Variants in KAT6B observed in about 807,000 individuals in gnomAD.
KAT6B encodes histone acetyltransferase KAT6B.
KAT6B carries 10 observed loss-of-function variants against 187.5 expected under a neutral mutation model. That is an observed-to-expected ratio of 0.05 (90% confidence interval 0.03 to 0.09). KAT6B has a LOEUF of 0.09. Ranked by LOEUF, KAT6B falls within the 10% of genes least tolerant of loss-of-function variation. KAT6B has a pLI of 1.00. For synonymous variants in KAT6B, 861 were observed against 926.8 expected (o/e 0.93, Z 1.29); for missense variants, 1,952 against 2,558.9 (o/e 0.76, Z 5.12).
intron 12 of KAT6B, among the ~76,000 whole-genome samples, chr10:74,987,663 ATTAG>A (rs1842896558): frequency 1.3e-5 from 2 of 152,338 alleles, no homozygotes; most frequent in African/African-American, 4.8e-5. Flanking sequence ...GGAAAGAAGG[ATTAG>A]TTATTTTATT....
rs529419277 is a variant in KAT6B, at chr10:74,839,347, T to C, written c.-259+595T>C. Among the ~76,000 whole-genome samples the C allele has an allele frequency of 2.6e-5, 4 of 151,562 alleles. No individual in the cohort carries two copies. In the South Asian group the frequency reaches 8.4e-4, roughly 32 times the overall value. ...CTGGGTTCAAGCGATTCTCCTGCCT[T>C]AGCCTCCTGAGTAGCTGGGATTACA... On this transcript the variant is annotated intron_variant, in intron 2 of 17. Transcript: ENST00000287239.
intron 12 of KAT6B, among the ~76,000 whole-genome samples, chr10:74,986,607 AT>A (rs1157396723): frequency 1.3e-5 from 2 of 152,246 alleles, no homozygotes; most frequent in Non-Finnish European, 2.9e-5. Flanking sequence ...TAATCCACAT[AT>A]TTGGTAAAGC....
At chr10:74,869,547 A>G (rs1843771457) in intron 3 of KAT6B, among the ~76,000 whole-genome samples, 1 of 152,194 alleles carries the variant, frequency 6.6e-6, no homozygotes, top group Admixed American at 6.5e-5. Context: ...GGGCCTCCCA[A>G]AGTGCTGAGA....
In KAT6B at chr10:75,030,402, C is replaced by T. The variant is rs1846221082; in HGVS notation, c.5578C>T (p.Gln1860Ter). 1 of 1,614,076 alleles carries T rather than the reference C, an allele frequency of 6.2e-7. No individual in the cohort carries two copies. Among genetic ancestry groups the T allele is most frequent in the African/African-American group, 1.3e-5 (1 of 74,918 alleles). ...ACCATTAAGTAACACAGGGCTTGTT[C>T]AACTTTCTCAGTCTCCACACTCCGT... Reference protein sequence around the residue: ...STPLSNTGLVQLSQSPHSVPG... With the variant: ...STPLSNTGLV Residue 1860 changes from glutamine (Q) to a stop codon, truncating the protein, a stop_gained, in exon 18 of 18, where the codon CAA becomes TAA. Transcript: ENST00000287239. LOFTEE classifies it high-confidence loss of function. This position sits in a 1 kb window ranked among gnomAD's most constrained non-coding sequence, Gnocchi z 4.8.
At chr10:74,975,258 A>G (rs1589736491) in intron 7 of KAT6B, 141 bp from the exon 8 acceptor site, 1 of 714,464 alleles carries the variant, frequency 1.4e-6, no homozygotes, top group Non-Finnish European at 2.4e-6. Flanking sequence ...ACAGAGAAAC[A>G]TCTAGGTGGT....
intron 3 of KAT6B, among the ~76,000 whole-genome samples, chr10:74,920,148 T>C (rs866551397): frequency 2.0e-5 from 3 of 152,328 alleles, no homozygotes; most frequent in South Asian, 2.1e-4. Flanking sequence ...GGTTGAGAAT[T>C]TTCATATGCT....
intron 13 of KAT6B, among the ~76,000 whole-genome samples, chr10:75,015,092 G>A (rs1844888988): frequency 6.6e-6 from 1 of 152,162 alleles, no homozygotes. Flanking sequence ...TCTGAGATAG[G>A]TTCTGAGAAT....
intron 3 of KAT6B, among the ~76,000 whole-genome samples, chr10:74,852,537 T>C (rs892987287): frequency 1.3e-5 from 2 of 152,210 alleles, no homozygotes; most frequent in South Asian, 4.1e-4. Flanking sequence ...TGAGACATTG[T>C]TGAGAGAGCA....
At chr10:74,840,890 A>G (rs1414543369) in intron 2 of KAT6B, among the ~76,000 whole-genome samples, 1 of 152,196 alleles carries the variant, frequency 6.6e-6, no homozygotes, top group African/African-American at 2.4e-5. Flanking sequence ...AGCAAATACT[A>G]TATTCTTCAG....
intron 3 of KAT6B, among the ~76,000 whole-genome samples, chr10:74,952,660 G>T (rs1442437704): frequency 6.6e-6 from 1 of 151,888 alleles, no homozygotes; most frequent in Non-Finnish European, 1.5e-5. Flanking sequence ...GTGTAACAAG[G>T]GAGAGCAAAC....
intron 12 of KAT6B, among the ~76,000 whole-genome samples, chr10:74,986,161 T>C (rs1267917044): frequency 1.3e-5 from 2 of 152,200 alleles, no homozygotes; most frequent in Non-Finnish European, 2.9e-5. Flanking sequence ...TCCTTTTTAC[T>C]GGTTCAGAGC....
At chr10:74,970,128 G>GTATTTTATTACATTT in intron 6 of KAT6B, 27 bp downstream of exon 6, 1 of 1,524,564 alleles carries the variant, frequency 6.6e-7, no homozygotes, top group Non-Finnish European at 9.1e-7. Flanking sequence ...TACTAAAAAT[G>GTATTTTATTACATTT]TATTTTATTA....
intron 3 of KAT6B, among the ~76,000 whole-genome samples, chr10:74,951,137 T>C (rs1840291465): frequency 6.6e-6 from 1 of 151,974 alleles, no homozygotes. Flanking sequence ...TTTTTAATTT[T>C]TGTTTCTTTT....
At chr10:74,895,525 G>A (rs1344703062) in intron 3 of KAT6B, among the ~76,000 whole-genome samples, 3 of 151,908 alleles carry the variant, frequency 2.0e-5, no homozygotes, top group Admixed American at 1.3e-4. Context: ...TCACCAAAAC[G>A]CTCTTCTTCT....
intron 8 of KAT6B, chr10:74,977,076 CAT>C (rs1395498932): frequency 2.4e-6 from 1 of 419,670 alleles, no homozygotes; most frequent in South Asian, 2.2e-5. Flanking sequence ...TACTTTCCCT[CAT>C]ATATTTATTA....
intron 3 of KAT6B, among the ~76,000 whole-genome samples, chr10:74,894,137 CA>C (rs1299846606): frequency 6.6e-6 from 1 of 152,158 alleles, no homozygotes; most frequent in Non-Finnish European, 1.5e-5. Context: ...GGCTGGAGTG[CA>C]ATGGCACGAT....
At chr10:75,003,664 CATT>C (rs573679948) in intron 13 of KAT6B, among the ~76,000 whole-genome samples, 104 of 152,028 alleles carry the variant, frequency 6.8e-4, no homozygotes, top group Non-Finnish European at 1.4e-3. Flanking sequence ...CTTATTTTCT[CATT>C]ATAATATGTT....
Position 75,021,883 on chromosome 10 carries a change from T to C in KAT6B, c.3024T>C (p.Ala1008=). 1 of 1,614,178 alleles carries C rather than the reference T, an allele frequency of 6.2e-7. No individual in the cohort carries two copies. Among genetic ancestry groups the C allele is most frequent in the Non-Finnish European group, 8.5e-7 (1 of 1,180,028 alleles). ...SEEEREAEKE[A]ERLMEQASCW... is the part of the protein sequence containing the mutation. ...CCATTTTTACCCTCCCCACTTAGGC[T>C]GAGCGGCTAATGGAACAAGCTAGCT... The change falls in exon 16 of 18, where the codon GCT becomes GCC. Residue 1008 remains alanine, a splice_region_variant and synonymous_variant. Transcript: ENST00000287239.
intron 3 of KAT6B, among the ~76,000 whole-genome samples, chr10:74,934,118 G>A (rs764258191): frequency 1.3e-5 from 2 of 149,114 alleles, no homozygotes; most frequent in Non-Finnish European, 3.0e-5. Flanking sequence ...CCTGGGAGGC[G>A]GAGGTTGCAG....
Sources: gnomAD v4.1 joint callset for allele counts (sites outside exome capture counted in the v4.1 genomes callset) on GRCh38, gnomAD v4.1.1 for gene constraint, Gnocchi (gnomAD v3.1) non-coding constraint, MANE v1.5 for transcripts, NCBI Gene and HGNC (gene_info 2026-07-23, HGNC 2026-07-21) for gene names.